Variants in FANCC observed in about 807,000 individuals in gnomAD.
FANCC encodes the protein FA complementation group C, also known as Fanconi anemia group C protein.
A neutral mutation model predicts 71.3 loss-of-function variants in FANCC; 55 were observed. The ratio of observed to expected loss-of-function variants is 0.77; its 90% CI spans 0.62 to 0.97. The LOEUF (loss-of-function observed/expected upper bound fraction) is 0.97, where lower values mean the gene tolerates loss of function less well. Among genes scored for constraint, FANCC ranks in the 50% least tolerant of loss-of-function variants. FANCC has a pLI of 0.00. For synonymous variants in FANCC, 275 were observed against 244.9 expected, an observed-to-expected ratio of 1.12 and a Z score of -1.15; for missense variants, 678 against 670.9, an observed-to-expected ratio of 1.01 and a Z score of -0.12.
chr9:95,108,359 C>T (rs972751263), intron 13 of FANCC, among the ~76,000 whole-genome samples: 8 of 152,246 alleles, frequency 5.3e-5, no homozygotes, highest in Admixed American at 2.0e-4. Context: ...ATGGTGTCTA[C>T]GGGAGCCCAA....
At chr9:95,292,366 CG>C in intron 1 of FANCC, 1 of 988,300 alleles carries the variant, frequency 1.0e-6, no homozygotes, top group Non-Finnish European at 1.2e-6. Flanking sequence ...GTGGCGGCGG[CG>C]GGGTCCACGG....
In FANCC at chr9:95,117,949, C is replaced by G. The variant is rs1371639680; in HGVS notation, c.997-559G>C. Among the ~76,000 whole-genome samples, 3 of 151,398 alleles carry G rather than the reference C, an allele frequency of 2.0e-5. No individual in the cohort carries two copies. In the Middle Eastern group the frequency reaches 0.01, roughly 522 times the overall value. On this transcript the variant is annotated intron_variant, in intron 10 of 14. Coordinates refer to ENST00000289081, the MANE Select transcript of FANCC (RefSeq NM_000136.3). ...GTTGGTCAGGCTGGTCTCGAACTCC[C>G]GACCTCAGGTGATCTGGCCGCCTCG...
At chr9:95,195,289 T>C (rs1827383558) in intron 4 of FANCC, among the ~76,000 whole-genome samples, 1 of 151,264 alleles carries the variant, frequency 6.6e-6, no homozygotes, top group Non-Finnish European at 1.5e-5. Flanking sequence ...ACATTTTACA[T>C]TTAAATCCCT....
At chr9:95,237,826 C>T (rs1004715456) in intron 4 of FANCC, among the ~76,000 whole-genome samples, 18 of 152,066 alleles carry the variant, frequency 1.2e-4, no homozygotes, top group Non-Finnish European at 2.2e-4. Context: ...TTCAAAGATA[C>T]ATCATGAAAA....
At chr9:95,301,621 A>G (rs1315454127) in intron 1 of FANCC, among the ~76,000 whole-genome samples, 4 of 151,840 alleles carry the variant, frequency 2.6e-5, no homozygotes, top group Non-Finnish European at 5.9e-5. Context: ...CTGAGGTCTC[A>G]CTATGTTGCC....
chr9:95,141,645 A>G (rs955269279), intron 7 of FANCC, among the ~76,000 whole-genome samples: 1 of 152,212 alleles, frequency 6.6e-6, no homozygotes, highest in African/African-American at 2.4e-5. Context: ...GGGTATTCAA[A>G]AGAATCTGTG....
chr9:95,301,333 C>T (rs887063045), intron 1 of FANCC, among the ~76,000 whole-genome samples: 1 of 152,092 alleles, frequency 6.6e-6, no homozygotes, highest in African/African-American at 2.4e-5. Context: ...AATATCATAA[C>T]ATTTTTGTAC....
intron 1 of FANCC, among the ~76,000 whole-genome samples, chr9:95,280,034 T>A (rs1427505386): frequency 2.0e-5 from 3 of 151,044 alleles, no homozygotes; most frequent in African/African-American, 7.3e-5. Context: ...ATATGCTGTC[T>A]ATAGAAGACA....
intron 1 of FANCC, among the ~76,000 whole-genome samples, chr9:95,315,525 G>A (rs1241239749): frequency 2.6e-5 from 4 of 152,168 alleles, no homozygotes; most frequent in African/African-American, 9.7e-5. Flanking sequence ...TGCTCTGCCT[G>A]TTATCTGAAT....
chr9:95,216,842 G>A (rs1009786018), intron 4 of FANCC, among the ~76,000 whole-genome samples: 2 of 151,992 alleles, frequency 1.3e-5, no homozygotes, highest in Non-Finnish European at 2.9e-5. Context: ...AAAATCCTTT[G>A]TCTCTGACCC....
chr9:95,120,142 T>C (rs2072756990), intron 10 of FANCC, among the ~76,000 whole-genome samples: 1 of 152,242 alleles, frequency 6.6e-6, no homozygotes, highest in Non-Finnish European at 1.5e-5. Context: ...GCTTTATCTT[T>C]CTAACATTTC....
chr9:95,194,632 C>T (rs537675193), intron 4 of FANCC, among the ~76,000 whole-genome samples: 62 of 151,738 alleles, frequency 4.1e-4, no homozygotes, highest in African/African-American at 1.4e-3. Flanking sequence ...TGTTTATTTG[C>T]CATTTTTTTT....
intron 4 of FANCC, among the ~76,000 whole-genome samples, chr9:95,210,390 A>T (rs934331244): frequency 6.6e-6 from 1 of 152,092 alleles, no homozygotes; most frequent in African/African-American, 2.4e-5. Flanking sequence ...AGTCTCAATT[A>T]AAATGGTAAA....
chr9:95,245,232 C>G (rs1370305584), intron 3 of FANCC, among the ~76,000 whole-genome samples: 1 of 152,106 alleles, frequency 6.6e-6, no homozygotes, highest in Non-Finnish European at 1.5e-5. Context: ...TGGCCTAGAT[C>G]AATGTTCTTC....
In FANCC at chr9:95,259,540, C is replaced by T. The variant is rs559752766; in HGVS notation, c.-78-10171G>A. 7.4e-4 allele frequency among the ~76,000 whole-genome samples: 112 copies of T among 152,248 alleles called. 2 individuals carry two copies. Among genetic ancestry groups the T allele is most frequent in the African/African-American group, 2.6e-3 (108 of 41,542 alleles). ...TCCTTACACCTTATACAAAAATTAA[C>T]TCAAGATGCATTAAAGACTTAAATG... On this transcript the variant is annotated intron_variant, in intron 1 of 14. Coordinates refer to ENST00000289081, the MANE Select transcript of FANCC (RefSeq NM_000136.3).
chr9:95,143,355 G>A (rs1012568048), intron 7 of FANCC, among the ~76,000 whole-genome samples: 3 of 152,094 alleles, frequency 2.0e-5, no homozygotes, highest in African/African-American at 7.2e-5. Flanking sequence ...TGATTAAATC[G>A]CTGGCCAGTA....
chr9:95,108,930 G>C (rs1316747657), intron 13 of FANCC, among the ~76,000 whole-genome samples: 2 of 148,508 alleles, frequency 1.3e-5, no homozygotes, highest in African/African-American at 5.0e-5. Context: ...TTTGGAGACA[G>C]AGCCTTGCTC....
chr9:95,306,325 T>C (rs971977271), intron 1 of FANCC, among the ~76,000 whole-genome samples: 3 of 152,176 alleles, frequency 2.0e-5, no homozygotes, highest in African/African-American at 7.2e-5. Flanking sequence ...ATCTAATTTG[T>C]TTGCTGGCAT....
intron 1 of FANCC, among the ~76,000 whole-genome samples, chr9:95,254,654 A>G (rs768421846): frequency 2.0e-4 from 30 of 152,278 alleles, no homozygotes; most frequent in East Asian, 1.7e-3. Flanking sequence ...CTGGGCGGCC[A>G]TTTGGGCAGA....
Sources: allele counts gnomAD v4.1 joint callset (sites outside exome capture counted in the v4.1 genomes callset), GRCh38; gene constraint gnomAD v4.1.1; transcripts MANE v1.5; gene names NCBI Gene and HGNC (gene_info 2026-07-23, HGNC 2026-07-21).